CSMD1: variants seen among roughly 807,000 people sequenced by gnomAD.
The protein encoded by CSMD1 is CUB and Sushi multiple domains 1, also known as CUB and sushi domain-containing protein 1.
A neutral mutation model predicts 417.5 loss-of-function variants in CSMD1; 213 were observed. The observed-to-expected ratio is 0.51, with a 90% CI of 0.46 to 0.57. The LOEUF is 0.57. Ranked by LOEUF, CSMD1 falls within the 20% of genes least tolerant of loss-of-function variation. CSMD1 has a pLI of 0.00. For synonymous variants in CSMD1, 2,862 were observed against 1,736.8 expected, an observed-to-expected ratio of 1.65 and a Z score of -16.11; for missense variants, 6,923 against 4,529.7, an observed-to-expected ratio of 1.53 and a Z score of -15.17.
At chr8:3,860,969 A>G (rs535568974) in intron 5 of CSMD1, among the ~76,000 whole-genome samples, 2 of 152,358 alleles carry the variant, frequency 1.3e-5, no homozygotes, top group Non-Finnish European at 2.9e-5. Context: ...GCAAAATGAA[A>G]TGACAAATGA....
At position 4,826,330 on chromosome 8, in the gene CSMD1, C is replaced by T. The variant is rs185115880; in HGVS notation, c.85+168002G>A. Among the ~76,000 whole-genome samples, 759 of 152,054 alleles carry T rather than the reference C, an allele frequency of 5.0e-3. 6 individuals are homozygous for T. Among genetic ancestry groups the T allele is most frequent in the Non-Finnish European group, 7.2e-3 (491 of 67,974 alleles). On this transcript the variant is annotated intron_variant, in intron 1 of 69. Transcript: ENST00000635120. ...ATATATGTGTGTGTGTGTATATATA[C>T]ATATAATACATATATAATTACAGCT...
rs6558703 is a variant in CSMD1, at chr8:3,052,498, A to T, written c.7624T>A (p.Leu2542Met). The T allele has an allele frequency of 6.3e-7, 1 of 1,594,320 alleles. No individual in the cohort carries two copies. The highest frequency in any genetic ancestry group is 2.3e-5 in the East Asian group (1 of 44,124). Reference sequence around the variant, plus strand: ...GGCGGCTTCCCCTTGTTACTCCACAACCCATCTTCTTGACACACGGCTGTT... The same window carrying T: ...GGCGGCTTCCCCTTGTTACTCCACATCCCATCTTCTTGACACACGGCTGTT... ...QATAVCQEDG[L>M]WSNKGKPPTC... The change falls in exon 50 of 70, where the codon TTG becomes ATG. Residue 2542 changes from leucine (L) to methionine (M), a missense_variant. By Grantham distance (15) the Leu-to-Met change is conservative. Coordinates refer to ENST00000635120, the MANE Select transcript of CSMD1 (RefSeq NM_033225.6).
intron 3 of CSMD1, among the ~76,000 whole-genome samples, chr8:4,332,572 C>T (rs999892794): frequency 8.4e-6 from 1 of 118,626 alleles, no homozygotes; most frequent in Non-Finnish European, 1.7e-5. Context: ...CACACACACA[C>T]ACACACACAC....
intron 3 of CSMD1, among the ~76,000 whole-genome samples, chr8:4,201,897 G>T (rs710260): frequency 1.4e-5 from 2 of 143,888 alleles, no homozygotes; most frequent in African/African-American, 5.3e-5. Context: ...TGGGGGGGGG[G>T]GGCGCTGCAT....
chr8:4,099,906 C>G (rs1801218256), intron 3 of CSMD1, among the ~76,000 whole-genome samples: 1 of 152,110 alleles, frequency 6.6e-6, no homozygotes, highest in Non-Finnish European at 1.5e-5. Context: ...GACATGGAGA[C>G]TTTTCTAACA....
intron 5 of CSMD1, among the ~76,000 whole-genome samples, chr8:3,978,932 C>G (rs12682483): frequency 0.32 from 48,361 of 152,106 alleles, 8,322 homozygotes; most frequent in East Asian, 0.46. Context: ...ATGTGCATTT[C>G]ATTGCCAGCC....
chr8:3,409,094 A>T (rs778201264), intron 13 of CSMD1, among the ~76,000 whole-genome samples: 49 of 151,988 alleles, frequency 3.2e-4, no homozygotes, highest in Non-Finnish European at 6.6e-4. Context: ...GTCACAAAGG[A>T]CTCTGTTGCT....
At chr8:3,175,469 TCTTTTC>T (rs1175906301) in intron 37 of CSMD1, among the ~76,000 whole-genome samples, 5 of 37,380 alleles carry the variant, frequency 1.3e-4, no homozygotes, top group Non-Finnish European at 7.5e-5. Context: ...TTTCCTTCCT[TCTTTTC>T]CCTTCCTTCC....
intron 3 of CSMD1, among the ~76,000 whole-genome samples, chr8:4,288,733 G>C (rs766012090): frequency 1.3e-5 from 2 of 152,140 alleles, no homozygotes; most frequent in African/African-American, 2.4e-5. Flanking sequence ...ATGATTCCAA[G>C]ATCTCTCAGA....
chr8:4,759,532 C>T (rs548992507), intron 1 of CSMD1, among the ~76,000 whole-genome samples: 1 of 152,176 alleles, frequency 6.6e-6, no homozygotes, highest in Non-Finnish European at 1.5e-5. Context: ...CCAGCATGCA[C>T]TAGGATTTTT....
intron 26 of CSMD1, among the ~76,000 whole-genome samples, chr8:3,243,411 GAA>G (rs997393506): frequency 3.3e-5 from 5 of 151,222 alleles, no homozygotes; most frequent in East Asian, 3.9e-4. Context: ...GGCTGAGTCC[GAA>G]AAGAGAGTCA....
rs374590371 is a variant in CSMD1 at position 3,635,557 on chromosome 8, C to T, written c.1010-18760G>A. On this transcript the variant is annotated intron_variant, in intron 7 of 69. Transcript: ENST00000635120. Reference sequence around the variant, plus strand: ...GGAGTGCAGTGGCGCGATCTCAGCTCACTGCAAGCTACACATCCCAGGTTC... The same window carrying T: ...GGAGTGCAGTGGCGCGATCTCAGCTTACTGCAAGCTACACATCCCAGGTTC... Among the ~76,000 whole-genome samples the T allele has an allele frequency of 6.7e-5, 10 of 149,302 alleles. 1 individual carries two copies. The highest frequency in any genetic ancestry group is 6.1e-4 in the East Asian group (3 of 4,922).
chr8:3,813,727 C>G (rs1376440081), intron 5 of CSMD1, among the ~76,000 whole-genome samples: 1 of 152,142 alleles, frequency 6.6e-6, no homozygotes, highest in Admixed American at 6.5e-5. Flanking sequence ...ACCAAATGGT[C>G]CATGGTCCAT....
At chr8:3,215,968 T>C (rs190569574) in intron 29 of CSMD1, among the ~76,000 whole-genome samples, 2 of 150,286 alleles carry the variant, frequency 1.3e-5, no homozygotes, top group Non-Finnish European at 3.0e-5. Flanking sequence ...ATACATTATA[T>C]AAAGAATCTA....
At chr8:4,491,734 G>A (rs1029104183) in intron 2 of CSMD1, among the ~76,000 whole-genome samples, 1 of 152,156 alleles carries the variant, frequency 6.6e-6, no homozygotes, top group East Asian at 1.9e-4. Flanking sequence ...ATGCTGTTGA[G>A]GTTGTGGGGC....
chr8:3,549,353 A>G, intron 10 of CSMD1, among the ~76,000 whole-genome samples: 1 of 152,206 alleles, frequency 6.6e-6, no homozygotes, highest in East Asian at 1.9e-4. Flanking sequence ...TTCTAGGCCA[A>G]GTGGTCTCAG....
chr8:4,800,892 G>A (rs917800315), intron 1 of CSMD1, among the ~76,000 whole-genome samples: 2 of 152,158 alleles, frequency 1.3e-5, no homozygotes, highest in Non-Finnish European at 2.9e-5. Flanking sequence ...TGGAACTTAC[G>A]TCTTGTACTC....
intron 3 of CSMD1, among the ~76,000 whole-genome samples, chr8:4,205,454 TA>T (rs1226606992): frequency 1.3e-5 from 2 of 152,234 alleles, no homozygotes; most frequent in East Asian, 3.8e-4. Flanking sequence ...TGCGCCCATT[TA>T]TATACTTACA....
At position 3,284,247 on chromosome 8, in the gene CSMD1, G is replaced by A. The variant is rs1038308772; in HGVS notation, c.4050C>T (p.Gly1350=). The A allele has an allele frequency of 1.9e-6, 3 of 1,613,644 alleles. No homozygotes were observed. In the African/African-American group the frequency reaches 4.0e-5, roughly 22 times the overall value. The change falls in exon 26 of 70, where the codon GGC becomes GGT. Residue 1350 remains glycine (G), a synonymous_variant. Transcript: ENST00000635120. The stretch of plus-strand genomic sequence containing the variant: ...TGTGGATGTCCTCCGGAAGGGCGGA[G>A]CCACTCCACTCCTTCAGCAGGATGT... The part of the protein sequence containing the change: ...DSDILLKEWS[G]SALPEDIHST...
Sources: allele counts gnomAD v4.1 joint callset (sites outside exome capture counted in the v4.1 genomes callset), GRCh38; gene constraint gnomAD v4.1.1; transcripts MANE v1.5; gene names NCBI Gene and HGNC (gene_info 2026-07-23, HGNC 2026-07-21).